ADGRG1: variants seen among roughly 807,000 people sequenced by gnomAD.
The protein encoded by ADGRG1 is adhesion G protein-coupled receptor G1.
Under a neutral mutation model 73.5 loss-of-function variants are expected in ADGRG1, and 53 were observed. The observed-to-expected ratio is 0.72, with a 90% CI of 0.58 to 0.91. The LOEUF (loss-of-function observed/expected upper bound fraction) is 0.91. ADGRG1 is among the 40% of genes least tolerant of loss of function. The probability of loss-of-function intolerance (pLI) is 0.00; values close to 1 mark genes in which losing one functional copy is unlikely to be tolerated. For missense variants in ADGRG1, 795 were observed against 871.8 expected, an observed-to-expected ratio of 0.91 and a Z score of 1.11; for synonymous variants, 394 against 374.4, an observed-to-expected ratio of 1.05 and a Z score of -0.60.
chr16:57,664,010 C>T lies in ADGRG1; in HGVS notation c.*428C>T, dbSNP rs995295541. The stretch of plus-strand genomic sequence containing the variant: ...CCAGTTGCTCTGTCTCTCGTGGTCA[C>T]CCTGAGGGCACTCTGCATCCTCTGT... On this transcript the variant is annotated 3_prime_UTR_variant, in exon 14 of 14. Transcript: ENST00000562631. 8.3e-6 allele frequency: 2 copies of T among 242,378 alleles called. No individual in the cohort carries two copies. Among genetic ancestry groups the T allele is most frequent in the South Asian group, 1.0e-4 (2 of 19,582 alleles). 15.0% of individuals were successfully genotyped at this position (242,378 alleles called of 1,614,324 possible).
intron 12 of ADGRG1, 133 bp downstream of exon 12, chr16:57,661,009 G>A: frequency 1.4e-6 from 1 of 723,594 alleles, no homozygotes; most frequent in Non-Finnish European, 2.5e-6. Context: ...GCCTGGCAGT[G>A]GCTGAAGCAC....
intron 1 of ADGRG1, chr16:57,644,058 A>T: frequency 1.0e-6 from 1 of 985,276 alleles, no homozygotes; most frequent in Non-Finnish European, 1.2e-6. Context: ...ACGCCACGCC[A>T]CCCACCATGG....
intron 1 of ADGRG1, chr16:57,648,648 C>T: frequency 1.0e-6 from 1 of 983,974 alleles, no homozygotes; most frequent in Non-Finnish European, 1.2e-6. Flanking sequence ...CCTGAAAGTC[C>T]TCCTTGGTTT....
In ADGRG1 at chr16:57,651,339, T is replaced by C; in HGVS notation, c.204T>C (p.His68=). 6.2e-7 allele frequency: 1 copy of C among 1,614,076 alleles called. No homozygotes were observed. Among genetic ancestry groups the C allele is most frequent in the Non-Finnish European group, 8.5e-7 (1 of 1,180,006 alleles). Residue 68 remains histidine (H), a synonymous_variant, in exon 3 of 14, where the codon CAT becomes CAC. Coordinates refer to ENST00000562631, the MANE Select transcript of ADGRG1 (RefSeq NM_201525.4). Reference sequence around the variant, plus strand: ...ACTCCGAAGAGGCCCTCACAGTCCATGCCCCTTTCCCTGCAGCCCACCCTG... The same window carrying C: ...ACTCCGAAGAGGCCCTCACAGTCCACGCCCCTTTCCCTGCAGCCCACCCTG... ...IENSEEALTV[H]APFPAAHPAS... is the part of the protein sequence containing the mutation.
rs2044000648 is a variant in ADGRG1, at chr16:57,651,205, C to T, written c.70C>T (p.His24Tyr). Residue 24 changes from histidine (H) to tyrosine (Y), a missense_variant, in exon 3 of 14, where the codon CAC (histidine) becomes TAC (tyrosine). Physicochemically the swap from His to Tyr is moderately conservative, Grantham distance 83 (BLOSUM62 2). Transcript: ENST00000562631. ...TGCAGCCTCTGCCTCCTCAGGTGCC[C>T]ACGGCAGGGGCCACAGGGAAGACTT... ...LSLLFLVQGA[H>Y]GRGHREDFRF... 6.2e-7 allele frequency: 1 copy of T among 1,614,074 alleles called. No homozygotes were observed. Among genetic ancestry groups the T allele is most frequent in the Non-Finnish European group, 8.5e-7 (1 of 1,179,998 alleles).
At chr16:57,645,652 GCA>G (rs1444846841) in intron 1 of ADGRG1, among the ~76,000 whole-genome samples, 5 of 152,176 alleles carry the variant, frequency 3.3e-5, no homozygotes. Context: ...TCCCAAGCCT[GCA>G]GTATGTCCAT....
At chr16:57,628,160 G>A (rs185860977), upstream of ADGRG1, 20 of 985,270 alleles carry the variant, frequency 2.0e-5, no homozygotes, top group East Asian at 1.7e-3. Context: ...ACTGCCTTCC[G>A]CTCTGCCGGT....
chr16:57,642,362 G>A, intron 1 of ADGRG1: 1 of 985,416 alleles, frequency 1.0e-6, no homozygotes, highest in African/African-American at 1.7e-5. Flanking sequence ...GAATGCCTAA[G>A]TGTCTCCTCT....
rs1975630 is a variant in ADGRG1 at position 57,639,850 on chromosome 16, G to A, written c.-35-10403G>A. 0.55 allele frequency: 523,769 copies of A among 948,068 alleles called. 149,091 individuals are homozygous for A. Among genetic ancestry groups the A allele is most frequent in the African/African-American group, 0.86 (48,458 of 56,306 alleles). 58.7% of individuals were successfully genotyped at this position (948,068 alleles called of 1,614,324 possible). A position where few individuals can be genotyped will look rare whatever the true frequency, so the allele number is the denominator to read the frequency against. On this transcript the variant is annotated intron_variant, in intron 1 of 13. Coordinates refer to ENST00000562631, the MANE Select transcript of ADGRG1 (RefSeq NM_201525.4). ...CTCCCGTGCATTCCCCTTCTCCCCA[G>A]CATTGATGGTGTAGCCAGTGGGTGG...
In ADGRG1 at chr16:57,651,443, T is replaced by C. The variant is rs2044069475; in HGVS notation, c.308T>C (p.Leu103Pro). ...YWNRHAGRLH[L>P]LYGKRDFLLS... ...AACCGACATGCTGGGAGATTACATC[T>C]TCTCTATGGCAAGCGTGACTTCTTG... The change falls in exon 3 of 14, where the codon CTT becomes CCT. Residue 103 changes from leucine (L) to proline (P), a missense_variant. Leu to Pro is a moderately conservative substitution (Grantham distance 98, BLOSUM62 -3). Transcript: ENST00000562631. The C allele has an allele frequency of 6.2e-7, 1 of 1,614,124 alleles. No individual in the cohort carries two copies. Among genetic ancestry groups the C allele is most frequent in the African/African-American group, 1.3e-5 (1 of 74,938 alleles).
intron 1 of ADGRG1, chr16:57,643,480 G>A (rs2041369883): frequency 1.4e-6 from 1 of 729,934 alleles, no homozygotes; most frequent in African/African-American, 1.9e-5. Flanking sequence ...GGTGTGTCTG[G>A]GCAGGCAGAG....
chr16:57,644,113 C>T, intron 1 of ADGRG1: 3 of 985,112 alleles, frequency 3.0e-6, no homozygotes, highest in Non-Finnish European at 1.2e-6. Flanking sequence ...GTGCCCCGCC[C>T]TCCCTGTCCC....
Position 57,631,198 on chromosome 16 carries a change from A to G in ADGRG1, c.-36+2396A>G, listed in dbSNP as rs114595401. 1,510 of 987,006 alleles carry G rather than the reference A, an allele frequency of 1.5e-3. 24 individuals are homozygous for G. In the African/African-American group the frequency reaches 0.024, roughly 16 times the overall value. 61.1% of individuals were successfully genotyped at this position (987,006 alleles called of 1,614,324 possible). A position where few individuals can be genotyped will look rare whatever the true frequency, so the allele number is the denominator to read the frequency against. ...CCAGTCGAGGGGAAGGACAGGAGAG[A>G]GGTGGCAGAGCTGCAGCAGGGTTGG... On this transcript the variant is annotated intron_variant, in intron 1 of 13. Coordinates refer to ENST00000562631, the MANE Select transcript of ADGRG1 (RefSeq NM_201525.4).
intron 1 of ADGRG1, chr16:57,641,441 A>G (rs2040801941): frequency 1.0e-6 from 1 of 980,712 alleles, no homozygotes; most frequent in African/African-American, 1.8e-5. Flanking sequence ...CTGGCACCAG[A>G]GTCTTCGGAC....
intron 5 of ADGRG1, among the ~76,000 whole-genome samples, chr16:57,654,422 G>C (rs12597625): frequency 1.9e-3 from 218 of 114,958 alleles, no homozygotes; most frequent in Non-Finnish European, 3.2e-3. Context: ...CCCCCCCCCC[G>C]TTTTTTTTTT....
intron 3 of ADGRG1, chr16:57,651,951 C>A (rs1363968137): frequency 7.7e-7 from 1 of 1,303,644 alleles, no homozygotes; most frequent in Non-Finnish European, 9.8e-7. Context: ...GGTGAGAGAG[C>A]AGAGACTGGA....
chr16:57,630,693 C>T (rs1411506341), intron 1 of ADGRG1: 4 of 264,530 alleles, frequency 1.5e-5, no homozygotes, highest in Admixed American at 6.5e-5. Context: ...GAGATGGAGG[C>T]GTGAGATAAG....
intron 1 of ADGRG1, chr16:57,631,191 A>T: frequency 1.0e-6 from 1 of 986,698 alleles, no homozygotes; most frequent in Non-Finnish European, 1.2e-6. Context: ...GGGGAAGGAC[A>T]GGAGAGAGGT....
At chr16:57,657,298 G>A in intron 9 of ADGRG1, 75 bp from the exon 10 acceptor site, 1 of 1,607,138 alleles carries the variant, frequency 6.2e-7, no homozygotes, top group Non-Finnish European at 8.5e-7. Flanking sequence ...CCCCAGGTTA[G>A]CCCCTCACGC....
Sources: allele counts gnomAD v4.1 joint callset (sites outside exome capture counted in the v4.1 genomes callset), GRCh38; gene constraint gnomAD v4.1.1; transcripts MANE v1.5; gene names NCBI Gene and HGNC (gene_info 2026-07-23, HGNC 2026-07-21).